Variants in DVL1 observed in about 807,000 individuals in gnomAD.
DVL1 encodes segment polarity protein dishevelled homolog DVL-1.
In DVL1, 49 loss-of-function variants were observed where a neutral mutation model predicts 65.0. The observed-to-expected ratio is 0.75, with a 90% CI of 0.60 to 0.96. The LOEUF (loss-of-function observed/expected upper bound fraction) is 0.96, where lower values mean the gene tolerates loss of function less well. Among genes scored for constraint, DVL1 ranks in the 40% least tolerant of loss-of-function variants. The pLI is 0.00. For missense variants in DVL1, 1,197 were observed against 1,045.4 expected, an observed-to-expected ratio of 1.15 and a Z score of -2.00; for synonymous variants, 608 against 433.9, an observed-to-expected ratio of 1.40 and a Z score of -4.99.
intron 1 of DVL1, among the ~76,000 whole-genome samples, chr1:1,343,692 C>T (rs1234076777): frequency 1.3e-5 from 2 of 152,142 alleles, no homozygotes; most frequent in South Asian, 2.1e-4. Context: ...TCACAGTCCA[C>T]CTACAAGGAC....
At position 1,337,728 on chromosome 1, in the gene DVL1, C is replaced by T. The variant is rs1280323641; in HGVS notation, c.1714+249G>A. 7.2e-6 allele frequency: 5 copies of T among 689,658 alleles called. No homozygotes were observed. In the East Asian group the frequency reaches 8.2e-5, roughly 11 times the overall value. 42.7% of individuals were successfully genotyped at this position (689,658 alleles called of 1,614,324 possible). ...TGTGTGAGACGCTTCCCTGTCCTCC[C>T]CATTCACACTGGCTCCTGGATCCCC... On this transcript the variant is annotated intron_variant, in intron 14 of 14. Transcript: ENST00000378888.
Position 1,348,411 on chromosome 1 carries a change from G to C in DVL1, c.170+485C>G, listed in dbSNP as rs541040739. On this transcript the variant is annotated intron_variant, in intron 1 of 14. Transcript: ENST00000378888. Reference sequence around the variant, plus strand: ...GCCCTTGACCTCCACCCTGTCACAAGGACCCTGCAGAAGGGGGCCAGGAGA... The same window carrying C: ...GCCCTTGACCTCCACCCTGTCACAACGACCCTGCAGAAGGGGGCCAGGAGA... Among the ~76,000 whole-genome samples, 7 of 152,220 alleles carry C rather than the reference G, an allele frequency of 4.6e-5. No homozygotes were observed. In the East Asian group the frequency reaches 9.6e-4, roughly 21 times the overall value.
rs530177513 is a variant in DVL1 at position 1,347,795 on chromosome 1, G to A, written c.170+1101C>T. Among the ~76,000 whole-genome samples the A allele has an allele frequency of 2.6e-5, 4 of 152,276 alleles. No homozygotes were observed. The South Asian group carries it at 8.3e-4, about 32-fold the overall frequency. The stretch of plus-strand genomic sequence containing the variant: ...GCGGGCAGGAGGGCCGCTGAGCCGA[G>A]TGGGGAGCGCCCAGCCTTCAAAGGC... On this transcript the variant is annotated intron_variant, in intron 1 of 14. Coordinates refer to ENST00000378888, the MANE Select transcript of DVL1 (RefSeq NM_001330311.2).
Position 1,337,719 on chromosome 1 carries a change from C to T in DVL1, c.1714+258G>A, listed in dbSNP as rs986851516. Reference sequence around the variant, plus strand: ...GGCTGCCCCTGTGTGAGACGCTTCCCTGTCCTCCCCATTCACACTGGCTCC... The same window carrying T: ...GGCTGCCCCTGTGTGAGACGCTTCCTTGTCCTCCCCATTCACACTGGCTCC... On this transcript the variant is annotated intron_variant, in intron 14 of 14. Coordinates refer to ENST00000378888, the MANE Select transcript of DVL1 (RefSeq NM_001330311.2). The T allele has an allele frequency of 3.1e-5, 21 of 682,192 alleles. No homozygotes were observed. In the East Asian group the frequency reaches 4.7e-4, roughly 15 times the overall value. 42.3% of individuals were successfully genotyped at this position (682,192 alleles called of 1,614,324 possible). A position where few individuals can be genotyped will look rare whatever the true frequency, so the allele number is the denominator to read the frequency against.
chr1:1,348,278 A>C (rs1393419297), intron 1 of DVL1, among the ~76,000 whole-genome samples: 1 of 152,076 alleles, frequency 6.6e-6, no homozygotes, highest in African/African-American at 2.4e-5. Context: ...GAAACAGCAG[A>C]TGGTCTGGGC....
intron 11 of DVL1, among the ~76,000 whole-genome samples, chr1:1,338,941 G>A (rs571048208): frequency 3.5e-4 from 54 of 152,362 alleles, no homozygotes; most frequent in African/African-American, 1.1e-3. Flanking sequence ...TGAGAACAGG[G>A]CAGGCCCCTT....
At chr1:1,348,756 G>T (rs1014206788) in intron 1 of DVL1, 140 bp downstream of exon 1, 3 of 686,492 alleles carry the variant, frequency 4.4e-6, no homozygotes, top group African/African-American at 3.9e-5. Flanking sequence ...GCCGCCACCC[G>T]CGCCGCATCT....
chr1:1,336,411 T>G lies in DVL1; in HGVS notation c.1819A>C (p.Thr607Pro), dbSNP rs769935706. 2.7e-5 allele frequency: 43 copies of G among 1,598,240 alleles called. No individual in the cohort carries two copies. Among genetic ancestry groups the G allele is most frequent in the Non-Finnish European group, 3.5e-5 (41 of 1,178,080 alleles). Residue 607 changes from threonine to proline, a missense_variant, in exon 15 of 15, where the codon ACG becomes CCG. Transcript: ENST00000378888. ...CTGCTCCCCACCCCACTCGGTGCCGTGTGATCCGATTCACTGCCACTGCCC... is the reference window on the plus strand; with the variant it reads ...CTGCTCCCCACCCCACTCGGTGCCGGGTGATCCGATTCACTGCCACTGCCC... ...AGGSGSESDH[T>P]APSGVGSSWR...
intron 1 of DVL1, among the ~76,000 whole-genome samples, chr1:1,343,202 T>G (rs1036266270): frequency 2.0e-5 from 3 of 151,854 alleles, no homozygotes; most frequent in Non-Finnish European, 4.4e-5. Flanking sequence ...ATGTATGTGG[T>G]GGCCCCAGAC....
intron 5 of DVL1, among the ~76,000 whole-genome samples, chr1:1,340,951 CCCTGCACACTACACA>C (rs1319049632): frequency 3.1e-5 from 4 of 128,716 alleles, no homozygotes; most frequent in Admixed American, 7.8e-5. Flanking sequence ...ACACACGCAC[CCCTGCACACTACACA>C]CCTGCACAGG....
rs1429157871 is a variant in DVL1, at chr1:1,336,017, T to A, written c.*125A>T. On this transcript the variant is annotated 3_prime_UTR_variant, in exon 15 of 15. Coordinates refer to ENST00000378888, the MANE Select transcript of DVL1 (RefSeq NM_001330311.2). The stretch of plus-strand genomic sequence containing the variant: ...GCCAGGCTGCCAGGGCAGATGGTGG[T>A]GGTCCAGCCTGCCCCCCACCCTGCC... The A allele has an allele frequency of 2.3e-6, 3 of 1,284,910 alleles. No individual in the cohort carries two copies. The highest frequency in any genetic ancestry group is 3.2e-6 in the Non-Finnish European group (3 of 945,694). 79.6% of individuals were successfully genotyped at this position (1,284,910 alleles called of 1,614,324 possible).
chr1:1,338,229 T>TTGCCCCACCC, intron 13 of DVL1, 40 bp downstream of exon 13: 1 of 1,522,372 alleles, frequency 6.6e-7, no homozygotes, highest in Non-Finnish European at 9.0e-7. Flanking sequence ...CCTCCGGCGT[T>TTGCCCCACCC]CCCCTCCCCC....
chr1:1,337,928 G>A lies in DVL1; in HGVS notation c.1714+49C>T, dbSNP rs563155947. The A allele has an allele frequency of 7.7e-5, 115 of 1,484,314 alleles. 2 individuals are homozygous for A. The highest frequency in any genetic ancestry group is 6.5e-4 in the Middle Eastern group (3 of 4,596). 91.9% of individuals were successfully genotyped at this position (1,484,314 alleles called of 1,614,324 possible). ...GGGCGGAGCAGCAGTGGAGTGGGGC[G>A]GAGCTGGGGGCGGAGCCGGGGAAGG... On this transcript the variant is annotated intron_variant, in intron 14 of 14. Coordinates refer to ENST00000378888, the MANE Select transcript of DVL1 (RefSeq NM_001330311.2).
chr1:1,342,563 C>T, intron 2 of DVL1, 79 bp from the exon 3 acceptor site: 1 of 1,574,802 alleles, frequency 6.3e-7, no homozygotes. Context: ...GAACAGGGGG[C>T]CAGCAAGCTG....
Position 1,339,322 on chromosome 1 carries a change from G to T in DVL1, c.1172C>A (p.Ser391Tyr). 1 of 1,548,634 alleles carries T rather than the reference G, an allele frequency of 6.5e-7. No homozygotes were observed. Among genetic ancestry groups the T allele is most frequent in the Non-Finnish European group, 8.7e-7 (1 of 1,146,894 alleles). The change falls in exon 11 of 15, where the codon TCC becomes TAC. Residue 391 changes from serine to tyrosine, a missense_variant. Coordinates refer to ENST00000378888, the MANE Select transcript of DVL1 (RefSeq NM_001330311.2). ...PCSSAVTRTS[S>Y]SSLTSSVPGA... is the part of the protein sequence containing the mutation. The stretch of plus-strand genomic sequence containing the variant: ...AGGCACGGAGCTGGTTAGTGAGGAG[G>T]AGCTGGTGCGCGTGACGGCGCTGGA...
chr1:1,336,549 T>C (rs1643582564), intron 14 of DVL1, 34 bp from the exon 15 acceptor site: 2 of 1,483,880 alleles, frequency 1.3e-6, no homozygotes, highest in Non-Finnish European at 1.8e-6. Context: ...AAGGAGCCTG[T>C]CAGCACCAGG....
chr1:1,340,376 C>A lies in DVL1; in HGVS notation c.699+34G>T, dbSNP rs1418084808. On this transcript the variant is annotated intron_variant, in intron 6 of 14. Coordinates refer to ENST00000378888, the MANE Select transcript of DVL1 (RefSeq NM_001330311.2). ...GGGCTGCCCGACACTGACTTCGCCT[C>A]CCCAGCCCCGCCCTGCTCCACCCGG... 3 of 1,613,164 alleles carry A rather than the reference C, an allele frequency of 1.9e-6. No homozygotes were observed. In the Admixed American group the frequency reaches 5.0e-5, roughly 27 times the overall value.
chr1:1,341,255 T>C (rs2100743786), intron 5 of DVL1, among the ~76,000 whole-genome samples: 2 of 151,474 alleles, frequency 1.3e-5, no homozygotes, highest in Middle Eastern at 3.5e-3. Context: ...GCGTGCATTG[T>C]GAAAACGCTC....
rs1179809614 is a variant in DVL1 at position 1,338,102 on chromosome 1, G to T, written c.1589C>A (p.Ala530Asp). 8.7e-6 allele frequency: 14 copies of T among 1,609,884 alleles called. No homozygotes were observed. The highest frequency in any genetic ancestry group is 1.1e-5 in the Non-Finnish European group (13 of 1,178,826). ...DTLAPLPHPAAPWPLGQGYPY... is the reference protein window; with the variant it reads ...DTLAPLPHPADPWPLGQGYPY... ...GTAGCCCTGACCCAGAGGCCAGGGG[G>T]CAGCCGGGTGGGGCAGCGGGGCCAG... Residue 530 changes from alanine (A) to aspartate (D), a missense_variant, in exon 14 of 15, where the codon GCC (alanine) becomes GAC (aspartate). By Grantham distance (126) the Ala-to-Asp change is moderately radical. Coordinates refer to ENST00000378888, the MANE Select transcript of DVL1 (RefSeq NM_001330311.2).
Sources: gnomAD v4.1 joint callset for allele counts (sites outside exome capture counted in the v4.1 genomes callset) on GRCh38, gnomAD v4.1.1 for gene constraint, MANE v1.5 for transcripts, NCBI Gene and HGNC (gene_info 2026-07-23, HGNC 2026-07-21) for gene names.